ADGRB3: variants seen among roughly 807,000 people sequenced by gnomAD.
The protein encoded by ADGRB3 is brain-specific angiogenesis inhibitor 3.
Under a neutral mutation model 193.4 loss-of-function variants are expected in ADGRB3, and 37 were observed. The ratio of observed to expected loss-of-function variants is 0.19; its 90% CI spans 0.15 to 0.25. The LOEUF is 0.25. Ranked by LOEUF, ADGRB3 falls within the 10% of genes least tolerant of loss-of-function variation. The pLI is 1.00. For missense variants in ADGRB3, 1,637 were observed against 1,852.9 expected (o/e 0.88, Z 2.14); for synonymous variants, 690 against 644.2 (o/e 1.07, Z -1.08).
intron 12 of ADGRB3, among the ~76,000 whole-genome samples, chr6:69,015,807 G>C (rs1770072312): frequency 6.6e-6 from 1 of 151,530 alleles, no homozygotes; most frequent in Non-Finnish European, 1.5e-5. Context: ...ACTATGTTTA[G>C]ATAAAGCATC....
intron 3 of ADGRB3, among the ~76,000 whole-genome samples, chr6:68,829,327 C>T (rs928758409): frequency 2.0e-5 from 3 of 151,850 alleles, no homozygotes; most frequent in African/African-American, 7.3e-5. Context: ...ATCTCAAACT[C>T]CTGACCTCAA....
chr6:68,698,909 G>A (rs1582131672), intron 3 of ADGRB3, among the ~76,000 whole-genome samples: 1 of 151,826 alleles, frequency 6.6e-6, no homozygotes, highest in South Asian at 2.1e-4. Context: ...GTAGGTCTAG[G>A]CATATAGATT....
In ADGRB3 at chr6:69,111,919, AGTT is replaced by A. The variant is rs1320715063; in HGVS notation, c.2480+35887_2480+35889del. The stretch of plus-strand genomic sequence containing the variant: ...ATCTGTTGGGGTATAGGTCATTTTG[AGTT>A]GTTGTGGGATAGTCATTTATAGTTC... On this transcript the variant is annotated intron_variant, in intron 17 of 31. Transcript: ENST00000370598. Among the ~76,000 whole-genome samples, 7 of 152,264 alleles carry A rather than the reference AGTT, an allele frequency of 4.6e-5. No homozygotes were observed. In the East Asian group the frequency reaches 9.7e-4, roughly 21 times the overall value.
At chr6:69,164,185 A>G (rs1017264528) in intron 17 of ADGRB3, among the ~76,000 whole-genome samples, 4 of 152,070 alleles carry the variant, frequency 2.6e-5, no homozygotes, top group Non-Finnish European at 5.9e-5. Context: ...ATTTGTCATC[A>G]CAAGCTAAGC....
chr6:68,956,897 A>T (rs1768092549), intron 8 of ADGRB3, 88 bp downstream of exon 8: 3 of 1,437,396 alleles, frequency 2.1e-6, no homozygotes, highest in Non-Finnish European at 2.8e-6. Flanking sequence ...GTTAAGGGTC[A>T]TATTCCTCAA....
At chr6:68,959,362 A>G (rs1397408626) in intron 8 of ADGRB3, among the ~76,000 whole-genome samples, 1 of 152,178 alleles carries the variant, frequency 6.6e-6, no homozygotes, top group Non-Finnish European at 1.5e-5. Context: ...CAAAGCTTCA[A>G]CAATTTTTTT....
intron 24 of ADGRB3, among the ~76,000 whole-genome samples, chr6:69,333,711 A>T (rs1419848009): frequency 6.6e-6 from 1 of 150,794 alleles, no homozygotes; most frequent in Non-Finnish European, 1.5e-5. Flanking sequence ...GCACTTTGGG[A>T]GGCTGAGGTG....
At chr6:68,751,420 C>G (rs1766196316) in intron 3 of ADGRB3, among the ~76,000 whole-genome samples, 1 of 152,094 alleles carries the variant, frequency 6.6e-6, no homozygotes, top group Non-Finnish European at 1.5e-5. Context: ...CATCTTATCT[C>G]CTTCTTTCCC....
chr6:69,200,240 G>A (rs1765391285), intron 17 of ADGRB3, among the ~76,000 whole-genome samples: 1 of 151,748 alleles, frequency 6.6e-6, no homozygotes, highest in Non-Finnish European at 1.5e-5. Flanking sequence ...AGGGTTACAG[G>A]GTTACCTGCA....
intron 10 of ADGRB3, among the ~76,000 whole-genome samples, chr6:68,993,145 A>T (rs553151876): frequency 2.6e-5 from 4 of 152,208 alleles, no homozygotes; most frequent in Admixed American, 6.5e-5. Flanking sequence ...TTAATAGTTC[A>T]TTCTGTTGCT....
intron 3 of ADGRB3, among the ~76,000 whole-genome samples, chr6:68,900,530 G>A (rs1215024778): frequency 6.6e-6 from 1 of 152,118 alleles, no homozygotes; most frequent in African/African-American, 2.4e-5. Context: ...CAGAAAAAGA[G>A]CATTTTATTA....
chr6:68,705,122 C>A (rs1418679714), intron 3 of ADGRB3, among the ~76,000 whole-genome samples: 1 of 152,186 alleles, frequency 6.6e-6, no homozygotes, highest in Non-Finnish European at 1.5e-5. Context: ...TATTATTAGG[C>A]ACCAACTTTG....
chr6:68,656,106 ATTTTTAACATT>A (rs1347015764), intron 3 of ADGRB3, among the ~76,000 whole-genome samples: 1 of 151,582 alleles, frequency 6.6e-6, no homozygotes, highest in Non-Finnish European at 1.5e-5. Context: ...TGCTGCCTCC[ATTTTTAACATT>A]TATTCTTAGG....
intron 23 of ADGRB3, chr6:69,331,891 CTTGA>C (rs1582637514): frequency 1.0e-6 from 1 of 985,190 alleles, no homozygotes; most frequent in Non-Finnish European, 1.2e-6. Flanking sequence ...TAAGTATTCT[CTTGA>C]TTAAGTGGTA....
intron 20 of ADGRB3, among the ~76,000 whole-genome samples, chr6:69,251,853 G>A (rs1340521943): frequency 6.6e-6 from 1 of 152,070 alleles, no homozygotes; most frequent in Non-Finnish European, 1.5e-5. Context: ...AAGTTACTGT[G>A]ATGTACATTA....
At chr6:69,352,951 T>A (rs1025939375) in intron 26 of ADGRB3, among the ~76,000 whole-genome samples, 4 of 152,240 alleles carry the variant, frequency 2.6e-5, no homozygotes, top group African/African-American at 9.6e-5. Context: ...GATTTGTTTT[T>A]TAATCCAATA....
At chr6:69,211,307 A>G (rs1370015343) in intron 17 of ADGRB3, among the ~76,000 whole-genome samples, 1 of 152,168 alleles carries the variant, frequency 6.6e-6, no homozygotes, top group Non-Finnish European at 1.5e-5. Context: ...AGCCAATAAA[A>G]GAAAGGGAAT....
rs941132712 is a variant in ADGRB3 at position 68,933,374 on chromosome 6, C to A, written c.868+2705C>A. Among the ~76,000 whole-genome samples, 83 of 152,036 alleles carry A rather than the reference C, an allele frequency of 5.5e-4. 1 individual carries two copies. Among genetic ancestry groups the A allele is most frequent in the Non-Finnish European group, 1.3e-4 (9 of 68,010 alleles). On this transcript the variant is annotated intron_variant, in intron 4 of 31. Coordinates refer to ENST00000370598, the MANE Select transcript of ADGRB3 (RefSeq NM_001704.3). ...TGTCATTTACAAGGCGGGTGAATTA[C>A]CTGAGGTGGGAGTTCAAGACCAGCC...
chr6:69,289,676 A>T (rs541380953), intron 20 of ADGRB3, among the ~76,000 whole-genome samples: 2 of 152,238 alleles, frequency 1.3e-5, no homozygotes, highest in African/African-American at 4.8e-5. Context: ...TGGCAAATGA[A>T]TGCGTGCTTT....
Sources: gnomAD v4.1 joint callset for allele counts (sites outside exome capture counted in the v4.1 genomes callset) on GRCh38, gnomAD v4.1.1 for gene constraint, MANE v1.5 for transcripts, NCBI Gene and HGNC (gene_info 2026-07-23, HGNC 2026-07-21) for gene names.